WDR72: variants seen among roughly 807,000 people sequenced by gnomAD.
WDR72 encodes WD repeat-containing protein 72.
WDR72 carries 120 observed loss-of-function variants against 124.2 expected under a neutral mutation model. The ratio of observed to expected loss-of-function variants is 0.97; its 90% confidence interval spans 0.83 to 1.12. WDR72 has a LOEUF of 1.12. WDR72 is among the 50% of genes most tolerant of loss of function. The pLI is 0.00. For missense variants in WDR72, 1,387 were observed against 1,278.8 expected (o/e 1.08, Z -1.29); for synonymous variants, 452 against 441.7 (o/e 1.02, Z -0.29).
intron 2 of WDR72, among the ~76,000 whole-genome samples, chr15:53,724,543 G>A (rs1013949283): frequency 2.6e-5 from 4 of 152,168 alleles, no homozygotes. Context: ...GGCAGAGCAG[G>A]AGACAGAGAG....
intron 18 of WDR72, among the ~76,000 whole-genome samples, chr15:53,543,681 G>A (rs78065243): frequency 0.29 from 44,129 of 151,354 alleles, 7,331 homozygotes; most frequent in Admixed American, 0.4. Flanking sequence ...ACAAAAAACC[G>A]TTCAAAAAAT....
intron 13 of WDR72, among the ~76,000 whole-genome samples, chr15:53,683,821 A>G (rs1166771914): frequency 6.6e-6 from 1 of 152,118 alleles, no homozygotes; most frequent in Non-Finnish European, 1.5e-5. Flanking sequence ...GCAAATACAG[A>G]CAGCCTGGCA....
chr15:53,660,834 A>G (rs902192600), intron 14 of WDR72, among the ~76,000 whole-genome samples: 9 of 152,174 alleles, frequency 5.9e-5, no homozygotes, highest in Admixed American at 5.9e-4. Flanking sequence ...ACTTGATATA[A>G]GCTCTTTTGG....
intron 1 of WDR72, among the ~76,000 whole-genome samples, chr15:53,755,843 G>A (rs962982727): frequency 7.9e-5 from 12 of 152,212 alleles, no homozygotes; most frequent in Admixed American, 6.5e-5. Context: ...CATTCAGCTG[G>A]TAATTTACAT....
chr15:53,565,283 C>T (rs374210363), intron 18 of WDR72, among the ~76,000 whole-genome samples: 78 of 151,940 alleles, frequency 5.1e-4, no homozygotes, highest in South Asian at 2.1e-4. Context: ...GAAACTATCA[C>T]GTAGGACTTT....
intron 18 of WDR72, among the ~76,000 whole-genome samples, chr15:53,524,308 A>G (rs537122928): frequency 6.6e-6 from 1 of 152,268 alleles, no homozygotes; most frequent in South Asian, 2.1e-4. Flanking sequence ...AACACATGCA[A>G]TGTATTTATA....
chr15:53,732,471 G>T (rs1312694683), intron 2 of WDR72, among the ~76,000 whole-genome samples: 2 of 152,172 alleles, frequency 1.3e-5, no homozygotes, highest in African/African-American at 4.8e-5. Flanking sequence ...GTGAGGTCAG[G>T]TTCTGAAATA....
chr15:53,579,987 C>T (rs1411245465), intron 18 of WDR72, among the ~76,000 whole-genome samples: 2 of 152,008 alleles, frequency 1.3e-5, no homozygotes, highest in Non-Finnish European at 1.5e-5. Flanking sequence ...ATCACTGAAA[C>T]TTTATCATAT....
At chr15:53,636,782 C>G (rs938593360) in intron 14 of WDR72, among the ~76,000 whole-genome samples, 1 of 152,122 alleles carries the variant, frequency 6.6e-6, no homozygotes, top group Non-Finnish European at 1.5e-5. Context: ...CACAATCACA[C>G]AGGTAACGAC....
rs533424703 is a variant in WDR72 at position 53,719,481 on chromosome 15, T to G, written c.261-2796A>C. Among the ~76,000 whole-genome samples the G allele has an allele frequency of 9.2e-5, 14 of 152,304 alleles. No individual in the cohort carries two copies. In the South Asian group the frequency reaches 2.9e-3, roughly 32 times the overall value. On this transcript the variant is annotated intron_variant, in intron 3 of 19. Transcript: ENST00000360509. ...TCAGCTCTATATTTCTATAGGCAAC[T>G]AGCTTTTAGACATCTCCACCTGTGT...
At chr15:53,732,929 G>A in intron 2 of WDR72, 68 bp downstream of exon 2, 1 of 1,580,258 alleles carries the variant, frequency 6.3e-7, no homozygotes, top group Non-Finnish European at 8.7e-7. Context: ...TGTCATTGCA[G>A]ATAGAAAATG....
At chr15:53,706,360 A>ATATATATATG (rs1555426239) in intron 9 of WDR72, among the ~76,000 whole-genome samples, 1 of 42,460 alleles carries the variant, frequency 2.4e-5, no homozygotes, top group South Asian at 8.2e-4. Context: ...GTATATATAT[A>ATATATATATG]TATATATATA....
At chr15:53,517,884 GAAA>G (rs966736739) in intron 19 of WDR72, 130 bp from the exon 20 acceptor site, 2 of 820,706 alleles carry the variant, frequency 2.4e-6, no homozygotes, top group Non-Finnish European at 4.0e-6. Context: ...AGAGAATGAG[GAAA>G]AAAAGAAAGA....
chr15:53,565,368 AG>A (rs1457283017), intron 18 of WDR72, among the ~76,000 whole-genome samples: 4 of 151,834 alleles, frequency 2.6e-5, no homozygotes, highest in Admixed American at 2.6e-4. Flanking sequence ...AACAATGAAA[AG>A]TTTTCCTTCT....
At chr15:53,693,705 T>C (rs1219680001) in intron 13 of WDR72, among the ~76,000 whole-genome samples, 1 of 152,234 alleles carries the variant, frequency 6.6e-6, no homozygotes, top group Non-Finnish European at 1.5e-5. Flanking sequence ...GGTGGAAGTT[T>C]TGACTTCTTA....
chr15:53,652,430 T>G (rs1389298057), intron 14 of WDR72, among the ~76,000 whole-genome samples: 2 of 152,240 alleles, frequency 1.3e-5, no homozygotes, highest in African/African-American at 4.8e-5. Flanking sequence ...TTTCAAATGA[T>G]GTACAAAAGC....
intron 18 of WDR72, among the ~76,000 whole-genome samples, chr15:53,531,403 T>C (rs1892459467): frequency 1.3e-5 from 2 of 152,082 alleles, no homozygotes. Flanking sequence ...GTTCTTACTG[T>C]CACACATCTC....
At chr15:53,683,542 T>C (rs1461955680) in intron 13 of WDR72, among the ~76,000 whole-genome samples, 1 of 152,168 alleles carries the variant, frequency 6.6e-6, no homozygotes, top group African/African-American at 2.4e-5. Context: ...ATTTTTATAC[T>C]AACTGAATCC....
intron 18 of WDR72, among the ~76,000 whole-genome samples, chr15:53,539,011 G>C (rs932523341): frequency 1.3e-5 from 2 of 151,942 alleles, no homozygotes; most frequent in African/African-American, 4.8e-5. Context: ...AAATAAGTGG[G>C]TCAAGTTACT....
Sources: gnomAD v4.1 joint callset for allele counts (sites outside exome capture counted in the v4.1 genomes callset) on GRCh38, gnomAD v4.1.1 for gene constraint, MANE v1.5 for transcripts, NCBI Gene and HGNC (gene_info 2026-07-23, HGNC 2026-07-21) for gene names.